Variants in WDFY2 observed in about 807,000 individuals in gnomAD.
The protein encoded by WDFY2 is WD repeat and FYVE domain containing 2, also known as WD repeat and FYVE domain-containing protein 2.
Under a neutral mutation model 56.4 loss-of-function variants are expected in WDFY2, and 36 were observed. The observed-to-expected ratio is 0.64, with a 90% CI of 0.49 to 0.84. The LOEUF is 0.84. WDFY2 is among the 40% of genes least tolerant of loss of function. WDFY2 has a pLI of 0.00. For missense variants in WDFY2, 444 were observed against 512.2 expected (o/e 0.87, Z 1.29); for synonymous variants, 176 against 183.7 (o/e 0.96, Z 0.34).
chr13:51,618,675 AT>A (rs1329973046), intron 1 of WDFY2, among the ~76,000 whole-genome samples: 13 of 152,368 alleles, frequency 8.5e-5, no homozygotes, highest in African/African-American at 3.1e-4. Context: ...CCTGTCACTC[AT>A]GACACCACTG....
At chr13:51,687,112 T>C (rs1213542300) in intron 3 of WDFY2, among the ~76,000 whole-genome samples, 1 of 149,894 alleles carries the variant, frequency 6.7e-6, no homozygotes, top group East Asian at 1.9e-4. Context: ...ATATTATGTA[T>C]TAATATTTTC....
rs572302518 is a variant in WDFY2 at position 51,596,236 on chromosome 13, G to A, written c.137+11412G>A. On this transcript the variant is annotated intron_variant, in intron 1 of 11. Coordinates refer to ENST00000298125, the MANE Select transcript of WDFY2 (RefSeq NM_052950.4). ...AGATTGTTAAACAGTTTTGAAAGAT[G>A]AGTAATTTTTATCTAGAAAATAAAA... Among the ~76,000 whole-genome samples, 92 of 152,262 alleles carry A rather than the reference G, an allele frequency of 6.0e-4. No individual in the cohort carries two copies. In the South Asian group the frequency reaches 0.019, roughly 31 times the overall value.
At chr13:51,732,790 C>T (rs1235325967) in intron 6 of WDFY2, among the ~76,000 whole-genome samples, 3 of 152,130 alleles carry the variant, frequency 2.0e-5, no homozygotes, top group Non-Finnish European at 4.4e-5. Flanking sequence ...GTCAGTCATC[C>T]GCTCTCTATG....
intron 1 of WDFY2, among the ~76,000 whole-genome samples, chr13:51,621,600 A>G (rs751103332): frequency 3.9e-5 from 6 of 152,236 alleles, no homozygotes; most frequent in Admixed American, 6.5e-5. Flanking sequence ...AGTTGAGACT[A>G]TTTTGAATTG....
intron 1 of WDFY2, among the ~76,000 whole-genome samples, chr13:51,626,083 AG>A (rs1490836529): frequency 6.6e-6 from 1 of 152,224 alleles, no homozygotes; most frequent in Non-Finnish European, 1.5e-5. Flanking sequence ...CAGATGCAGA[AG>A]GGGAAAGAAT....
chr13:51,738,037 A>G (rs558644842), intron 6 of WDFY2, among the ~76,000 whole-genome samples: 2 of 148,802 alleles, frequency 1.3e-5, no homozygotes, highest in Non-Finnish European at 3.0e-5. Flanking sequence ...AAACAAATGT[A>G]TGAGAGAAAC....
chr13:51,585,599 A>G (rs1422497185), intron 1 of WDFY2, among the ~76,000 whole-genome samples: 1 of 152,248 alleles, frequency 6.6e-6, no homozygotes, highest in Non-Finnish European at 1.5e-5. Flanking sequence ...ATTTCCTTGA[A>G]TATGCAGGAA....
chr13:51,737,444 G>A (rs1053230032), intron 6 of WDFY2, among the ~76,000 whole-genome samples: 1 of 149,790 alleles, frequency 6.7e-6, no homozygotes, highest in African/African-American at 2.5e-5. Context: ...AGTGTTTGCT[G>A]TGGGTAAGCC....
At chr13:51,594,815 A>G (rs1460132401) in intron 1 of WDFY2, among the ~76,000 whole-genome samples, 1 of 152,226 alleles carries the variant, frequency 6.6e-6, no homozygotes, top group Non-Finnish European at 1.5e-5. Flanking sequence ...CAGCACCTGC[A>G]GCACCTGCAG....
At chr13:51,671,355 C>T (rs956151670) in intron 2 of WDFY2, among the ~76,000 whole-genome samples, 4 of 152,186 alleles carry the variant, frequency 2.6e-5, no homozygotes, top group Admixed American at 2.0e-4. Context: ...GTTCCCTTTT[C>T]GCCACATCCA....
rs749177733 is a variant in WDFY2 at position 51,672,577 on chromosome 13, A to G, written c.206-2593A>G. Among the ~76,000 whole-genome samples, 6 of 151,982 alleles carry G rather than the reference A, an allele frequency of 3.9e-5. 1 individual carries two copies. The highest frequency in any genetic ancestry group is 2.0e-4 in the Admixed American group (3 of 15,274). On this transcript the variant is annotated intron_variant, in intron 2 of 11. Transcript: ENST00000298125. The stretch of plus-strand genomic sequence containing the variant: ...TTTTAGGGTTGTTTTTTCTAGTTCT[A>G]TGAAGAATGATGGTGCTATTTTGAT...
intron 6 of WDFY2, among the ~76,000 whole-genome samples, chr13:51,732,787 A>T (rs896027205): frequency 6.6e-6 from 1 of 152,238 alleles, no homozygotes; most frequent in African/African-American, 2.4e-5. Context: ...ATAGTCAGTC[A>T]TCCGCTCTCT....
intron 1 of WDFY2, among the ~76,000 whole-genome samples, chr13:51,643,932 AT>A (rs1955221070): frequency 6.6e-6 from 1 of 152,210 alleles, no homozygotes; most frequent in Admixed American, 6.5e-5. Flanking sequence ...GGAATTATTG[AT>A]TATTCAGGGA....
chr13:51,720,694 C>T (rs1342147162), intron 5 of WDFY2, among the ~76,000 whole-genome samples: 1 of 152,180 alleles, frequency 6.6e-6, no homozygotes, highest in African/African-American at 2.4e-5. Context: ...TTATTGCTTA[C>T]AATTCTGGAG....
chr13:51,607,660 A>C (rs1954408199), intron 1 of WDFY2, among the ~76,000 whole-genome samples: 1 of 152,190 alleles, frequency 6.6e-6, no homozygotes, highest in African/African-American at 2.4e-5. Context: ...TTCAATGTAA[A>C]AAATAAAAAT....
chr13:51,592,754 C>T (rs962350617), intron 1 of WDFY2, among the ~76,000 whole-genome samples: 9 of 151,828 alleles, frequency 5.9e-5, no homozygotes, highest in African/African-American at 1.5e-4. Flanking sequence ...ATCTCTTTTC[C>T]GATTTCTAAG....
At chr13:51,702,930 C>T (rs988489282) in intron 3 of WDFY2, among the ~76,000 whole-genome samples, 22 of 152,134 alleles carry the variant, frequency 1.4e-4, no homozygotes, top group Admixed American at 5.2e-4. Context: ...TCACTGTATA[C>T]GCAGATGCAT....
chr13:51,715,263 T>C (rs922621132), intron 4 of WDFY2, among the ~76,000 whole-genome samples: 6 of 152,348 alleles, frequency 3.9e-5, no homozygotes, highest in African/African-American at 1.4e-4. Context: ...TTTCAGCTTT[T>C]CAACTTTTTT....
chr13:51,620,841 T>C (rs1172109860), intron 1 of WDFY2, among the ~76,000 whole-genome samples: 1 of 152,178 alleles, frequency 6.6e-6, no homozygotes, highest in African/African-American at 2.4e-5. Flanking sequence ...CGGTCAGCAC[T>C]GCTTCCAAGA....
Sources: gnomAD v4.1 joint callset for allele counts (sites outside exome capture counted in the v4.1 genomes callset) on GRCh38, gnomAD v4.1.1 for gene constraint, MANE v1.5 for transcripts, NCBI Gene and HGNC (gene_info 2026-07-23, HGNC 2026-07-21) for gene names.